TMOD3: variants seen among roughly 807,000 people sequenced by gnomAD.
The protein encoded by TMOD3 is tropomodulin 3.
In TMOD3, 20 loss-of-function variants were observed where a neutral mutation model predicts 39.2. The ratio of observed to expected loss-of-function variants is 0.51; its 90% CI spans 0.36 to 0.74. TMOD3 has a LOEUF of 0.74. Among genes scored for constraint, TMOD3 ranks in the 30% least tolerant of loss-of-function variants. The pLI, the probability that TMOD3 is intolerant of heterozygous loss-of-function variation, is 0.00. For synonymous variants in TMOD3, 143 were observed against 145.8 expected, an observed-to-expected ratio of 0.98 and a Z score of 0.14; for missense variants, 381 against 412.8, an observed-to-expected ratio of 0.92 and a Z score of 0.67.
chr15:51,864,137 C>T (rs774781111), intron 2 of TMOD3, among the ~76,000 whole-genome samples: 3 of 151,582 alleles, frequency 2.0e-5, no homozygotes, highest in Non-Finnish European at 2.9e-5. Context: ...TGGTGGTGCA[C>T]GCATGTAGCC....
chr15:51,883,250 T>G (rs1390669536), intron 3 of TMOD3, among the ~76,000 whole-genome samples: 1 of 152,182 alleles, frequency 6.6e-6, no homozygotes, highest in Non-Finnish European at 1.5e-5. Context: ...TTGTTTTGCC[T>G]TATTGATTTT....
rs573756255 is a variant in TMOD3, at chr15:51,901,738, C to T, written c.880-154C>T. ...AAACAATTTGTTCTCAGTTACAAAT[C>T]AGTACTTGGAACTACTGAACTATGT... On this transcript the variant is annotated intron_variant, in intron 8 of 9. Transcript: ENST00000308580. 7.9e-5 allele frequency among the ~76,000 whole-genome samples: 12 copies of T among 152,146 alleles called. No homozygotes were observed. In the South Asian group the frequency reaches 2.1e-3, roughly 26 times the overall value.
chr15:51,860,555 C>T lies in TMOD3; in HGVS notation c.-74-2256C>T, dbSNP rs931345837. ...CCATTTCCCATTTGGCTGCCATAAT[C>T]CACAAAGCTGGCTTGTTGGAATGAA... On this transcript the variant is annotated intron_variant, in intron 1 of 9. Transcript: ENST00000308580. 1.2e-5 allele frequency: 7 copies of T among 578,142 alleles called. No homozygotes were observed. The African/African-American group carries it at 1.3e-4, about 11-fold the overall frequency. 35.8% of individuals were successfully genotyped at this position (578,142 alleles called of 1,614,324 possible).
intron 1 of TMOD3, among the ~76,000 whole-genome samples, chr15:51,831,314 C>G (rs1328429864): frequency 6.6e-6 from 1 of 152,164 alleles, no homozygotes; most frequent in African/African-American, 2.4e-5. Context: ...AGGTACAGGT[C>G]AAATCCCATT....
intron 6 of TMOD3, among the ~76,000 whole-genome samples, chr15:51,895,227 T>C (rs984342770): frequency 6.6e-6 from 1 of 151,352 alleles, no homozygotes; most frequent in African/African-American, 2.4e-5. Flanking sequence ...TTTTTTTTTT[T>C]TTTTTTTGAG....
Position 51,852,200 on chromosome 15 carries a change from A to G in TMOD3, c.-74-10611A>G, listed in dbSNP as rs188364752. On this transcript the variant is annotated intron_variant, in intron 1 of 9. Coordinates refer to ENST00000308580, the MANE Select transcript of TMOD3 (RefSeq NM_014547.5). ...CAAAAATATATGTCAAAAGAACAGT[A>G]AGTATATTGAAAAACAAATATTCAT... 3.2e-3 allele frequency among the ~76,000 whole-genome samples: 485 copies of G among 152,344 alleles called. 2 individuals carry two copies. The highest frequency in any genetic ancestry group is 0.014 in the Middle Eastern group (4 of 294).
intron 1 of TMOD3, among the ~76,000 whole-genome samples, chr15:51,853,694 A>G (rs545715345): frequency 6.6e-6 from 1 of 151,268 alleles, no homozygotes; most frequent in South Asian, 2.1e-4. Context: ...TGGTAGTCCT[A>G]CCTACTCAGG....
At chr15:51,847,929 T>C (rs1259547546) in intron 1 of TMOD3, among the ~76,000 whole-genome samples, 3 of 152,158 alleles carry the variant, frequency 2.0e-5, no homozygotes, top group Non-Finnish European at 4.4e-5. Flanking sequence ...ATGATGGTAT[T>C]AGGAGGTGGG....
At chr15:51,845,076 G>C (rs1299619721) in intron 1 of TMOD3, among the ~76,000 whole-genome samples, 3 of 152,082 alleles carry the variant, frequency 2.0e-5, no homozygotes, top group Non-Finnish European at 2.9e-5. Flanking sequence ...GCAGTGATGA[G>C]GGCAAGTCAG....
intron 9 of TMOD3, among the ~76,000 whole-genome samples, chr15:51,906,968 C>T (rs1035273271): frequency 5.4e-5 from 8 of 147,212 alleles, no homozygotes; most frequent in Non-Finnish European, 1.0e-4. Context: ...TGCGGTGAGC[C>T]GAGATCGCGC....
intron 6 of TMOD3, 114 bp downstream of exon 6, chr15:51,894,059 G>A (rs2056608962): frequency 1.1e-6 from 1 of 924,538 alleles, no homozygotes; most frequent in African/African-American, 1.7e-5. Context: ...TAAAGTTTTT[G>A]CTCTTACCAG....
rs1391975840 is a variant in TMOD3, at chr15:51,915,563, G to T, written c.*6753G>T. 6.6e-6 allele frequency: 1 copy of T among 151,978 alleles called. No individual in the cohort carries two copies. Among genetic ancestry groups the T allele is most frequent in the Non-Finnish European group, 1.5e-5 (1 of 68,000 alleles). 9.4% of individuals were successfully genotyped at this position (151,978 alleles called of 1,614,324 possible). ...TTTTTCCATTTTTATAAGTATAAAA[G>T]CAATGAATTTTAACACTGGTATTTA... On this transcript the variant is annotated 3_prime_UTR_variant, in exon 10 of 10. Transcript: ENST00000308580.
At chr15:51,883,711 A>T (rs541272505) in intron 3 of TMOD3, among the ~76,000 whole-genome samples, 1 of 152,296 alleles carries the variant, frequency 6.6e-6, no homozygotes, top group Admixed American at 6.5e-5. Context: ...AGCATACAAG[A>T]TTAACTAAAC....
intron 1 of TMOD3, chr15:51,860,951 A>G: frequency 2.1e-6 from 1 of 485,386 alleles, no homozygotes; most frequent in Non-Finnish European, 4.0e-6. Context: ...ACAAACAAAA[A>G]CCTACATAGG....
chr15:51,836,498 G>T (rs1334244277), intron 1 of TMOD3, among the ~76,000 whole-genome samples: 1 of 151,984 alleles, frequency 6.6e-6, no homozygotes, highest in Admixed American at 6.6e-5. Context: ...AGGCTGAGGC[G>T]GGTGGATCAC....
intron 3 of TMOD3, among the ~76,000 whole-genome samples, chr15:51,877,195 C>G (rs548453735): frequency 6.6e-6 from 1 of 152,018 alleles, no homozygotes; most frequent in Non-Finnish European, 1.5e-5. Flanking sequence ...TTTGATAGAC[C>G]GATTTTTTTT....
intron 1 of TMOD3, among the ~76,000 whole-genome samples, chr15:51,845,341 C>A (rs1290570212): frequency 6.6e-6 from 1 of 152,192 alleles, no homozygotes; most frequent in Non-Finnish European, 1.5e-5. Flanking sequence ...TATATTTTAG[C>A]TATTCTTCAT....
intron 3 of TMOD3, among the ~76,000 whole-genome samples, chr15:51,873,100 A>T (rs139009055): frequency 1.3e-5 from 2 of 152,328 alleles, no homozygotes; most frequent in East Asian, 1.9e-4. Flanking sequence ...TCATCTTTAA[A>T]GCAGTTAGCC....
intron 2 of TMOD3, among the ~76,000 whole-genome samples, chr15:51,863,874 G>A (rs146052496): frequency 5.0e-4 from 76 of 152,262 alleles, no homozygotes; most frequent in African/African-American, 1.7e-3. Flanking sequence ...ACATCTGATT[G>A]GAGGGGGATT....
Sources: allele counts gnomAD v4.1 joint callset (sites outside exome capture counted in the v4.1 genomes callset), GRCh38; gene constraint gnomAD v4.1.1; transcripts MANE v1.5; gene names NCBI Gene and HGNC (gene_info 2026-07-23, HGNC 2026-07-21).